SON: variants seen among roughly 807,000 people sequenced by gnomAD.
The protein encoded by SON is SON DNA and RNA binding protein.
SON carries 4 observed loss-of-function variants against 173.3 expected under a neutral mutation model. The observed-to-expected ratio is 0.02, with a 90% CI of 0.01 to 0.05. The LOEUF is 0.05. SON is among the 10% of genes least tolerant of loss of function. The pLI is 1.00. For synonymous variants in SON, 1,190 were observed against 1,105.9 expected (o/e 1.08, Z -1.51); for missense variants, 2,626 against 3,055.3 (o/e 0.86, Z 3.31).
intron 1 of SON, among the ~76,000 whole-genome samples, chr21:33,544,052 ATTTCT>A (rs2085545919): frequency 6.6e-6 from 1 of 152,218 alleles, no homozygotes; most frequent in African/African-American, 2.4e-5. Context: ...TAAGATACTC[ATTTCT>A]TTAAAGTACA....
intron 1 of SON, among the ~76,000 whole-genome samples, chr21:33,545,083 A>C (rs1051624579): frequency 1.3e-5 from 2 of 152,212 alleles, no homozygotes; most frequent in Admixed American, 1.3e-4. Context: ...CAAGTTATCG[A>C]ACTTCTGTTA....
chr21:33,553,118 C>G lies in SON; in HGVS notation c.3887C>G (p.Thr1296Ser), dbSNP rs2145830883. 1 of 1,614,206 alleles carries G rather than the reference C, an allele frequency of 6.2e-7. No homozygotes were observed. Among genetic ancestry groups the G allele is most frequent in the Non-Finnish European group, 8.5e-7 (1 of 1,180,038 alleles). Reference sequence around the variant, plus strand: ...ACTCCCGCCATGTCAGCTGAACCAACTGTGTTAGCATCAGAGCCTCCTGTT... The same window carrying G: ...ACTCCCGCCATGTCAGCTGAACCAAGTGTGTTAGCATCAGAGCCTCCTGTT... ...SETPAMSAEP[T>S]VLASEPPVMS... is the part of the protein sequence containing the mutation. Residue 1296 changes from threonine to serine, a missense_variant, in exon 3 of 12, where the codon ACT (threonine) becomes AGT (serine). Thr to Ser is a moderately conservative substitution (Grantham distance 58). Coordinates refer to ENST00000356577, the MANE Select transcript of SON (RefSeq NM_138927.4).
In SON at chr21:33,550,860, G is replaced by T. The variant is rs367848437; in HGVS notation, c.1629G>T (p.Thr543=). Residue 543 remains threonine, a synonymous_variant, in exon 3 of 12, where the codon ACG becomes ACT. Coordinates refer to ENST00000356577, the MANE Select transcript of SON (RefSeq NM_138927.4). ...GGTTGCTGGGGCAGCCTGAGGCAAC[G>T]ATGGTGCTGGAGTTGCCAGGACAGC... ...ATGLLGQPEA[T]MVLELPGQPV... is the part of the protein sequence containing the mutation. 1 of 1,613,174 alleles carries T rather than the reference G, an allele frequency of 6.2e-7. No individual in the cohort carries two copies. Among genetic ancestry groups the T allele is most frequent in the African/African-American group, 1.3e-5 (1 of 74,820 alleles).
At position 33,554,921 on chromosome 21, in the gene SON, A is replaced by G. The variant is rs770772481; in HGVS notation, c.5690A>G (p.His1897Arg). ...SKEKRKRSPK[H>R]RSKSRERKRK... Reference sequence around the variant, plus strand: ...GAGAAGCGCAAAAGATCTCCAAAGCACAGATCCAAGTCTAGGGAAAGAAAA... The same window carrying G: ...GAGAAGCGCAAAAGATCTCCAAAGCGCAGATCCAAGTCTAGGGAAAGAAAA... Residue 1897 changes from histidine to arginine, a missense_variant, in exon 3 of 12, where the codon CAC (histidine) becomes CGC (arginine). By Grantham distance (29) the His-to-Arg change is conservative. This residue lies in a region of SON where 1,006 missense variants were observed against 895.6 expected (regional missense o/e 1.12). Coordinates refer to ENST00000356577, the MANE Select transcript of SON (RefSeq NM_138927.4). 6.2e-7 allele frequency: 1 copy of G among 1,614,198 alleles called. No homozygotes were observed. The highest frequency in any genetic ancestry group is 8.5e-7 in the Non-Finnish European group (1 of 1,180,030).
chr21:33,571,398 CCAG>C (rs1215625435), intron 8 of SON, among the ~76,000 whole-genome samples: 52 of 152,122 alleles, frequency 3.4e-4, no homozygotes, highest in Non-Finnish European at 4.4e-5. Context: ...TTAGTATAGT[CCAG>C]CATCTGCCTT....
chr21:33,555,112 A>G lies in SON; in HGVS notation c.5881A>G (p.Ser1961Gly). Residue 1961 changes from serine to glycine, a missense_variant, in exon 3 of 12, where the codon AGC becomes GGC. This residue lies in a region of SON where 138 missense variants were observed against 222.9 expected (regional missense o/e 0.62). Transcript: ENST00000356577. ...ISPSRRSRTP[S>G]RRSRTPSRRS... is the part of the protein sequence containing the mutation. ...CCCAAGCCGCCGCAGCCGCACCCCCAGCCGCCGCAGCCGCACCCCCAGCCG... is the reference window on the plus strand; with the variant it reads ...CCCAAGCCGCCGCAGCCGCACCCCCGGCCGCCGCAGCCGCACCCCCAGCCG... 6.6e-7 allele frequency: 1 copy of G among 1,516,396 alleles called. No homozygotes were observed. The highest frequency in any genetic ancestry group is 2.7e-5 in the East Asian group (1 of 37,094). 93.9% of individuals were successfully genotyped at this position (1,516,396 alleles called of 1,614,324 possible). A position where few individuals can be genotyped will look rare whatever the true frequency, so the allele number is the denominator to read the frequency against.
At chr21:33,544,071 G>A (rs934427556) in intron 1 of SON, among the ~76,000 whole-genome samples, 1 of 152,208 alleles carries the variant, frequency 6.6e-6, no homozygotes, top group Non-Finnish European at 1.5e-5. Context: ...AAGTACAGAA[G>A]TAGGAAAGAG....
chr21:33,559,559 TTTAA>T lies in SON; in HGVS notation c.6469-23_6469-20del. On this transcript the variant is annotated intron_variant, in intron 5 of 11. Transcript: ENST00000356577. The surrounding 1 kb of genome is among the most constrained non-coding windows in gnomAD (Gnocchi z 4.1). Reference sequence around the variant, plus strand: ...ATTTAATGTAGATATCATATTGAGCTTTAATTAAGAAACACTTTATTTTTTAGAT... The same window carrying T: ...ATTTAATGTAGATATCATATTGAGCTTTAAGAAACACTTTATTTTTTAGAT... 5.0e-6 allele frequency: 8 copies of T among 1,588,596 alleles called. No individual in the cohort carries two copies. The highest frequency in any genetic ancestry group is 4.3e-6 in the Non-Finnish European group (5 of 1,168,264).
intron 8 of SON, chr21:33,569,317 T>C: frequency 2.2e-6 from 1 of 458,124 alleles, no homozygotes; most frequent in South Asian, 2.7e-5. Context: ...TTTTAAAAAT[T>C]GTTACTGCTG....
chr21:33,551,799 A>T lies in SON; in HGVS notation c.2568A>T (p.Leu856Phe). Reference sequence around the variant, plus strand: ...CCAGCACCATGGACTCCCAGATGTTAGCAACTAGCTCAATGGATTCCCAGA... The same window carrying T: ...CCAGCACCATGGACTCCCAGATGTTTGCAACTAGCTCAATGGATTCCCAGA... ...LATSTMDSQM[L>F]ATSSMDSQML... The change falls in exon 3 of 12, where the codon TTA (leucine) becomes TTT (phenylalanine). Residue 856 changes from leucine to phenylalanine, a missense_variant. By Grantham distance (22) the Leu-to-Phe change is conservative (BLOSUM62 0). Coordinates refer to ENST00000356577, the MANE Select transcript of SON (RefSeq NM_138927.4). 1 of 1,613,616 alleles carries T rather than the reference A, an allele frequency of 6.2e-7. No individual in the cohort carries two copies. The highest frequency in any genetic ancestry group is 1.1e-5 in the South Asian group (1 of 91,062).
chr21:33,552,641 C>T lies in SON; in HGVS notation c.3410C>T (p.Thr1137Ile), dbSNP rs2085833243. 1 of 1,614,132 alleles carries T rather than the reference C, an allele frequency of 6.2e-7. No individual in the cohort carries two copies. The change falls in exon 3 of 12, where the codon ACT becomes ATT. Residue 1137 changes from threonine (T) to isoleucine (I), a missense_variant. Physicochemically the swap from Thr to Ile is moderately conservative, Grantham distance 89. Transcript: ENST00000356577. This position sits in a 1 kb window ranked among gnomAD's most constrained non-coding sequence, Gnocchi z 5.6. ...MAADSYTDSY[T>I]DTYTEAYMVP... Reference sequence around the variant, plus strand: ...GCTGATTCTTACACCGATTCTTACACTGACACATATACAGAGGCATATATG... The same window carrying T: ...GCTGATTCTTACACCGATTCTTACATTGACACATATACAGAGGCATATATG...
At position 33,546,344 on chromosome 21, in the gene SON, C is replaced by T. The variant is rs574910734; in HGVS notation, c.209C>T (p.Ser70Phe). 6.2e-7 allele frequency: 1 copy of T among 1,612,816 alleles called. No individual in the cohort carries two copies. The highest frequency in any genetic ancestry group is 8.5e-7 in the Non-Finnish European group (1 of 1,179,520). ...GTGCAGAAGATAGAGGAAGTACTTT[C>T]TGGGGTCTTAGATACAGAACTACGA... Reference protein sequence around the residue: ...EIVQKIEEVLSGVLDTELRYK... With the variant: ...EIVQKIEEVLFGVLDTELRYK... Residue 70 changes from serine to phenylalanine, a missense_variant, in exon 2 of 12, where the codon TCT becomes TTT. Physicochemically the swap from Ser to Phe is radical, Grantham distance 155. Transcript: ENST00000356577.
intron 6 of SON, among the ~76,000 whole-genome samples, chr21:33,565,762 TTTATATA>T: frequency 6.6e-6 from 1 of 152,336 alleles, no homozygotes; most frequent in Admixed American, 6.5e-5. Flanking sequence ...TCTAGAAAGA[TTTATATA>T]TTAACATAAA....
rs756974451 is a variant in SON, at chr21:33,555,016, A to G, written c.5785A>G (p.Ser1929Gly). Reference sequence around the variant, plus strand: ...TCGAAGTCGAACCCCAAGTCGTCGGAGTCGGAGTCATACTCCAAGTCGTCG... The same window carrying G: ...TCGAAGTCGAACCCCAAGTCGTCGGGGTCGGAGTCATACTCCAAGTCGTCG... Reference protein sequence around the residue: ...RARSRTPSRRSRSHTPSRRRR... With the variant: ...RARSRTPSRRGRSHTPSRRRR... The change falls in exon 3 of 12, where the codon AGT becomes GGT. Residue 1929 changes from serine to glycine, a missense_variant. Ser to Gly is a moderately conservative substitution (Grantham distance 56). Around this residue, in one of 13 missense-constraint regions of SON, gnomAD observed 138 missense variants for 222.9 expected, o/e 0.62. Transcript: ENST00000356577. 6 of 1,613,196 alleles carry G rather than the reference A, an allele frequency of 3.7e-6. No individual in the cohort carries two copies. The highest frequency in any genetic ancestry group is 5.1e-6 in the Non-Finnish European group (6 of 1,179,946).
At chr21:33,548,607 C>G (rs889319356) in intron 2 of SON, among the ~76,000 whole-genome samples, 1 of 152,190 alleles carries the variant, frequency 6.6e-6, no homozygotes. Context: ...CATGTTTTAA[C>G]TCACTTTATC....
chr21:33,552,210 A>T lies in SON; in HGVS notation c.2979A>T (p.Leu993Phe), dbSNP rs1209215524. 2 of 1,614,140 alleles carry T rather than the reference A, an allele frequency of 1.2e-6. No individual in the cohort carries two copies. The highest frequency in any genetic ancestry group is 3.3e-5 in the Admixed American group (2 of 60,022). ...PYRLAPRPLMLASRRSMMMSY... is the reference protein window; with the variant it reads ...PYRLAPRPLMFASRRSMMMSY... ...GGTTAGCACCTAGACCCCTGATGTT[A>T]GCATCTAGACGTTCTATGATGATGT... Residue 993 changes from leucine (L) to phenylalanine (F), a missense_variant, in exon 3 of 12, where the codon TTA becomes TTT. Transcript: ENST00000356577. This position sits in a 1 kb window ranked among gnomAD's most constrained non-coding sequence, Gnocchi z 5.6.
At position 33,559,997 on chromosome 21, in the gene SON, A is replaced by C; in HGVS notation, c.6657+222A>C. 16 of 1,614,242 alleles carry C rather than the reference A, an allele frequency of 9.9e-6. No individual in the cohort carries two copies. The highest frequency in any genetic ancestry group is 1.3e-5 in the Non-Finnish European group (15 of 1,180,036). On this transcript the variant is annotated intron_variant, in intron 6 of 11. Transcript: ENST00000356577. This position sits in a 1 kb window ranked among gnomAD's most constrained non-coding sequence, Gnocchi z 4.1. ...CAAGCCACAAAGTGAAAAGCATCGA[A>C]TTGCAGAGAACAGTGTTATCACATC...
chr21:33,573,198 AAC>A (rs2086325916), intron 8 of SON, 108 bp from the exon 9 acceptor site: 1 of 850,634 alleles, frequency 1.2e-6, no homozygotes, highest in Non-Finnish European at 1.9e-6. Context: ...TAATTGCTAT[AAC>A]AGATCTAGAA....
intron 2 of SON, among the ~76,000 whole-genome samples, chr21:33,547,608 C>T (rs184988164): frequency 1.3e-4 from 19 of 148,738 alleles, no homozygotes; most frequent in African/African-American, 4.7e-4. Flanking sequence ...TGAAGTATGA[C>T]TTATCTAACA....
Sources: gnomAD v4.1 joint callset for allele counts (sites outside exome capture counted in the v4.1 genomes callset) on GRCh38, gnomAD v4.1.1 for gene constraint, gnomAD v4.1.1 regional missense constraint, Gnocchi (gnomAD v3.1) non-coding constraint, MANE v1.5 for transcripts, NCBI Gene and HGNC (gene_info 2026-07-23, HGNC 2026-07-21) for gene names.